Variants in XKR4 observed in about 807,000 individuals in gnomAD.
The protein encoded by XKR4 is XK related 4.
In XKR4, 12 loss-of-function variants were observed where a neutral mutation model predicts 53.9. That is an observed-to-expected ratio of 0.22 (90% CI 0.14 to 0.36). The LOEUF is 0.36. Among genes scored for constraint, XKR4 ranks in the 10% least tolerant of loss-of-function variants. The probability of loss-of-function intolerance (pLI) is 1.00; values close to 1 mark genes in which losing one functional copy is unlikely to be tolerated. For synonymous variants in XKR4, 354 were observed against 362.4 expected, an observed-to-expected ratio of 0.98 and a Z score of 0.26; for missense variants, 799 against 859.5, an observed-to-expected ratio of 0.93 and a Z score of 0.88.
In XKR4 at chr8:55,524,283, G is replaced by A; in HGVS notation, c.*56G>A. 6.6e-7 allele frequency: 1 copy of A among 1,523,154 alleles called. No homozygotes were observed. Among genetic ancestry groups the A allele is most frequent in the South Asian group, 1.2e-5 (1 of 80,154 alleles). The allele number at this position is 1,523,154 out of a possible 1,614,324, so 94.4% of individuals were successfully genotyped here. ...CAGATGAAGGGGTGACAGCAGGGCTGTGGCCATAATGACACTTCATCCTAG... is the reference window on the plus strand; with the variant it reads ...CAGATGAAGGGGTGACAGCAGGGCTATGGCCATAATGACACTTCATCCTAG... On this transcript the variant is annotated 3_prime_UTR_variant, in exon 3 of 3. Transcript: ENST00000327381.
chr8:55,210,846 C>T (rs763156351), intron 1 of XKR4, among the ~76,000 whole-genome samples: 1 of 152,188 alleles, frequency 6.6e-6, no homozygotes, highest in African/African-American at 2.4e-5. Context: ...GTCTCATTTG[C>T]ATAAGGTGTG....
chr8:55,227,956 G>T (rs1283979953), intron 1 of XKR4, among the ~76,000 whole-genome samples: 1 of 152,206 alleles, frequency 6.6e-6, no homozygotes, highest in Non-Finnish European at 1.5e-5. Context: ...ATCCAGGACG[G>T]AGGGCAGTGG....
intron 1 of XKR4, among the ~76,000 whole-genome samples, chr8:55,136,161 G>A (rs1032579678): frequency 1.3e-5 from 2 of 152,078 alleles, no homozygotes; most frequent in African/African-American, 4.8e-5. Flanking sequence ...CAAAGTGCTG[G>A]GATTACACGT....
chr8:55,253,973 G>A (rs1169252829), intron 1 of XKR4, among the ~76,000 whole-genome samples: 1 of 151,676 alleles, frequency 6.6e-6, no homozygotes, highest in Non-Finnish European at 1.5e-5. Context: ...CACCTGCCTG[G>A]CCCCCCAAAG....
chr8:55,114,637 G>A (rs1816280632), intron 1 of XKR4, among the ~76,000 whole-genome samples: 1 of 152,172 alleles, frequency 6.6e-6, no homozygotes, highest in African/African-American at 2.4e-5. Context: ...GCTTCAAAAT[G>A]TAAAACTGAA....
intron 1 of XKR4, among the ~76,000 whole-genome samples, chr8:55,331,909 T>C (rs1010987885): frequency 4.6e-5 from 7 of 152,120 alleles, no homozygotes; most frequent in African/African-American, 1.7e-4. Flanking sequence ...CTGTGTCTTT[T>C]GATTGGGAGA....
intron 1 of XKR4, among the ~76,000 whole-genome samples, chr8:55,351,806 T>A (rs564391119): frequency 4.4e-4 from 67 of 152,320 alleles, no homozygotes; most frequent in African/African-American, 1.5e-3. Flanking sequence ...GGCCCTACTA[T>A]CCTTTATTTT....
At chr8:55,219,863 A>G (rs1045480922) in intron 1 of XKR4, among the ~76,000 whole-genome samples, 1 of 152,144 alleles carries the variant, frequency 6.6e-6, no homozygotes, top group African/African-American at 2.4e-5. Context: ...AAAGAGAAAA[A>G]CTGGAAATTT....
At chr8:55,167,052 C>T (rs1415108046) in intron 1 of XKR4, among the ~76,000 whole-genome samples, 1 of 152,236 alleles carries the variant, frequency 6.6e-6, no homozygotes, top group Non-Finnish European at 1.5e-5. Context: ...GGAAGGTGAC[C>T]TAATTCTGGA....
chr8:55,459,994 C>A (rs1805627993), intron 2 of XKR4, among the ~76,000 whole-genome samples: 4 of 141,698 alleles, frequency 2.8e-5, no homozygotes, highest in Admixed American at 1.5e-4. Context: ...CAGAATTATT[C>A]ATAATAGCCA....
At chr8:55,419,653 G>T (rs560786943) in intron 2 of XKR4, among the ~76,000 whole-genome samples, 1 of 152,246 alleles carries the variant, frequency 6.6e-6, no homozygotes, top group South Asian at 2.1e-4. Flanking sequence ...CCTAGTTAGG[G>T]TCCTGCTACT....
intron 2 of XKR4, among the ~76,000 whole-genome samples, chr8:55,475,356 C>T (rs1805962751): frequency 5.3e-5 from 8 of 151,192 alleles, no homozygotes; most frequent in Admixed American, 5.3e-4. Flanking sequence ...TTATTTCAGA[C>T]CAGCGATTCA....
rs1180980659 is a variant in XKR4 at position 55,524,939 on chromosome 8, C to T, written c.*712C>T. The T allele has an allele frequency of 6.6e-6, 1 of 152,580 alleles. No homozygotes were observed. Among genetic ancestry groups the T allele is most frequent in the Admixed American group, 6.5e-5 (1 of 15,278 alleles). The allele number at this position is 152,580 out of a possible 1,614,324, so 9.5% of individuals were successfully genotyped here. A position where few individuals can be genotyped will look rare whatever the true frequency, so the allele number is the denominator to read the frequency against. On this transcript the variant is annotated 3_prime_UTR_variant, in exon 3 of 3. Transcript: ENST00000327381. The stretch of plus-strand genomic sequence containing the variant: ...GCGAACATCCTTTTTGACAGAAATC[C>T]TATGCAGCCCATGTACGGCTTTCAA...
Position 55,103,153 on chromosome 8 carries a change from G to A in XKR4, c.665G>A (p.Ser222Asn). The part of the protein sequence containing the change: ...PQRQASNASK[S>N]NIAAANSGSN... ...AGGCAAGCATCTAACGCCAGCAAGA[G>A]CAACATCGCCGCGGCCAACAGCGGC... The change falls in exon 1 of 3, where the codon AGC becomes AAC. Residue 222 changes from serine (S) to asparagine (N), a missense_variant. Ser to Asn is a conservative substitution (Grantham distance 46). Around this residue, in one of 3 missense-constraint regions of XKR4, gnomAD observed 476 missense variants for 505.4 expected, o/e 0.94. Transcript: ENST00000327381. 1 of 1,614,014 alleles carries A rather than the reference G, an allele frequency of 6.2e-7. No homozygotes were observed. Among genetic ancestry groups the A allele is most frequent in the Non-Finnish European group, 8.5e-7 (1 of 1,180,050 alleles).
intron 1 of XKR4, among the ~76,000 whole-genome samples, chr8:55,302,387 T>G (rs1011673170): frequency 2.0e-5 from 3 of 151,786 alleles, no homozygotes; most frequent in African/African-American, 7.2e-5. Context: ...CATGCTGTTT[T>G]GGTTACTGTA....
chr8:55,257,378 AAG>A (rs949730313), intron 1 of XKR4, among the ~76,000 whole-genome samples: 2 of 152,094 alleles, frequency 1.3e-5, no homozygotes, highest in African/African-American at 4.8e-5. Context: ...GAAATGAAAA[AAG>A]AGAGCAGAGT....
chr8:55,457,911 G>T (rs1805593797), intron 2 of XKR4, among the ~76,000 whole-genome samples: 1 of 151,958 alleles, frequency 6.6e-6, no homozygotes, highest in African/African-American at 2.4e-5. Context: ...TATTTTACTG[G>T]AATTATGTTA....
chr8:55,169,798 A>C (rs979933605), intron 1 of XKR4, among the ~76,000 whole-genome samples: 15 of 152,224 alleles, frequency 9.9e-5, no homozygotes, highest in African/African-American at 3.4e-4. Context: ...TCAGAATTTA[A>C]GTGTACAACT....
chr8:55,164,204 C>T, intron 1 of XKR4: 1 of 456,668 alleles, frequency 2.2e-6, no homozygotes, highest in Non-Finnish European at 4.4e-6. Flanking sequence ...CCGCCGCCTC[C>T]CCACAGCACC....
Sources: allele counts gnomAD v4.1 joint callset (sites outside exome capture counted in the v4.1 genomes callset), GRCh38; gene constraint gnomAD v4.1.1; regional missense constraint gnomAD v4.1.1; transcripts MANE v1.5; gene names NCBI Gene and HGNC (gene_info 2026-07-23, HGNC 2026-07-21).